The following FAM171A1 variants were observed in gnomAD, a reference collection of about 807,000 sequenced individuals.
FAM171A1 encodes the protein protein FAM171A1.
A neutral mutation model predicts 74.9 loss-of-function variants in FAM171A1; 23 were observed. That is an observed-to-expected ratio of 0.31 (90% CI 0.22 to 0.44). FAM171A1 has a LOEUF of 0.44. Among genes scored for constraint, FAM171A1 ranks in the 20% least tolerant of loss-of-function variants. The pLI is 1.00. For missense variants in FAM171A1, 1,162 were observed against 1,159.2 expected, an observed-to-expected ratio of 1.00 and a Z score of -0.03; for synonymous variants, 527 against 505.7, an observed-to-expected ratio of 1.04 and a Z score of -0.57.
intron 3 of FAM171A1, among the ~76,000 whole-genome samples, chr10:15,264,875 A>T (rs1834718281): frequency 6.6e-6 from 1 of 151,776 alleles, no homozygotes; most frequent in Non-Finnish European, 1.5e-5. Context: ...ATTTATCTAC[A>T]TGGTAGTAAG....
intron 3 of FAM171A1, among the ~76,000 whole-genome samples, chr10:15,270,549 T>A (rs151300552): frequency 2.6e-4 from 40 of 152,240 alleles, no homozygotes; most frequent in African/African-American, 8.7e-4. Flanking sequence ...AGCACAGAGT[T>A]TGAGATCTGA....
chr10:15,319,873 T>C (rs1309640004), intron 1 of FAM171A1, among the ~76,000 whole-genome samples: 1 of 152,228 alleles, frequency 6.6e-6, no homozygotes, highest in African/African-American at 2.4e-5. Flanking sequence ...CTCTCCTCCA[T>C]CTGTAACTCT....
intron 1 of FAM171A1, among the ~76,000 whole-genome samples, chr10:15,310,963 G>A (rs935962203): frequency 6.6e-6 from 1 of 152,162 alleles, no homozygotes; most frequent in African/African-American, 2.4e-5. Flanking sequence ...AGCAGGGCTG[G>A]GAAGACAGAG....
At chr10:15,241,423 G>C (rs1834363150) in intron 5 of FAM171A1, 1 of 152,114 alleles carries the variant, frequency 6.6e-6, no homozygotes, top group Middle Eastern at 3.4e-3. Context: ...TTGGTTTGTG[G>C]GGATATAAGT....
chr10:15,310,156 G>C (rs554904350), intron 1 of FAM171A1, among the ~76,000 whole-genome samples: 4 of 152,292 alleles, frequency 2.6e-5, no homozygotes, highest in Admixed American at 6.5e-5. Flanking sequence ...ATGCCTGTGT[G>C]GGGGCAGGTG....
At position 15,371,072 on chromosome 10, in the gene FAM171A1, G is replaced by GGCTCGGGCTCGCCGA; in HGVS notation, c.-21_-20insTCGGCGAGCCCGAGC. 9.5e-7 allele frequency: 1 copy of GGCTCGGGCTCGCCGA among 1,048,404 alleles called. No individual in the cohort carries two copies. The highest frequency in any genetic ancestry group is 1.2e-6 in the Non-Finnish European group (1 of 863,762). The allele number at this position is 1,048,404 out of a possible 1,614,324, so 64.9% of individuals were successfully genotyped here. On this transcript the variant is annotated 5_prime_UTR_variant, in exon 1 of 8. Coordinates refer to ENST00000378116, the MANE Select transcript of FAM171A1 (RefSeq NM_001010924.2). ...GCTCATCTCCGCCGCGGGGCCGGCG[G>GGCTCGGGCTCGCCGA]CGGCTCGGGCTCGCCGAGAGCGGGC...
intron 1 of FAM171A1, among the ~76,000 whole-genome samples, chr10:15,340,895 C>A (rs568365061): frequency 2.0e-4 from 30 of 152,170 alleles, no homozygotes; most frequent in African/African-American, 7.2e-4. Context: ...ATGGGCTACA[C>A]CAACAAGGGT....
chr10:15,349,975 T>G (rs752309399), intron 1 of FAM171A1, among the ~76,000 whole-genome samples: 16 of 151,870 alleles, frequency 1.1e-4, no homozygotes, highest in Non-Finnish European at 1.9e-4. Flanking sequence ...GAATATCTGG[T>G]TGAAGATGAA....
intron 1 of FAM171A1, among the ~76,000 whole-genome samples, chr10:15,323,404 G>C (rs761292262): frequency 5.9e-5 from 9 of 152,028 alleles, no homozygotes; most frequent in Non-Finnish European, 1.0e-4. Flanking sequence ...AGTGAGCAGA[G>C]ATCACGCCAT....
intron 5 of FAM171A1, among the ~76,000 whole-genome samples, chr10:15,240,053 G>A (rs1027978749): frequency 1.3e-5 from 2 of 152,172 alleles, no homozygotes; most frequent in African/African-American, 2.4e-5. Flanking sequence ...TATGCAAGTC[G>A]TGCTTCTTAA....
chr10:15,371,479 T>G (rs1326794227), upstream of FAM171A1, among the ~76,000 whole-genome samples: 9 of 149,604 alleles, frequency 6.0e-5, no homozygotes, highest in South Asian at 6.5e-4. Context: ...GAGCCAGACC[T>G]GCCTTTCAGG....
At chr10:15,231,077 A>C (rs1205884242) in intron 5 of FAM171A1, among the ~76,000 whole-genome samples, 2 of 152,270 alleles carry the variant, frequency 1.3e-5, no homozygotes, top group Non-Finnish European at 2.9e-5. Flanking sequence ...GAGCGTTCTC[A>C]TAACAGAGAA....
At chr10:15,244,286 C>T (rs1439312395) in intron 5 of FAM171A1, among the ~76,000 whole-genome samples, 2 of 152,114 alleles carry the variant, frequency 1.3e-5, no homozygotes, top group Admixed American at 6.6e-5. Context: ...ACCTGGGAGG[C>T]GGAGGTTGTA....
intron 3 of FAM171A1, among the ~76,000 whole-genome samples, chr10:15,263,545 C>T (rs147057882): frequency 5.8e-4 from 88 of 152,314 alleles, no homozygotes; most frequent in East Asian, 4.8e-3. Context: ...ATATAGTCTA[C>T]GTGGGGGAAT....
chr10:15,244,855 A>T (rs955260662), intron 5 of FAM171A1, among the ~76,000 whole-genome samples: 3 of 152,130 alleles, frequency 2.0e-5, no homozygotes, highest in African/African-American at 7.2e-5. Flanking sequence ...TGTGCTCAGG[A>T]TGAGGCCGGG....
intron 1 of FAM171A1, among the ~76,000 whole-genome samples, chr10:15,364,338 G>A (rs1281101440): frequency 6.6e-6 from 1 of 152,110 alleles, no homozygotes; most frequent in African/African-American, 2.4e-5. Flanking sequence ...TCCTCATCTG[G>A]AAGGAAAACA....
chr10:15,342,446 T>G (rs1835775425), intron 1 of FAM171A1, among the ~76,000 whole-genome samples: 1 of 152,090 alleles, frequency 6.6e-6, no homozygotes, highest in African/African-American at 2.4e-5. Flanking sequence ...AGCGCTCCTG[T>G]AGTCTCAGCT....
chr10:15,373,411 G>C (rs1294886100), upstream of FAM171A1, among the ~76,000 whole-genome samples: 2 of 152,130 alleles, frequency 1.3e-5, no homozygotes, highest in African/African-American at 4.8e-5. Flanking sequence ...ACCGAGGCTT[G>C]GTGCCATTAA....
At chr10:15,264,871 C>G (rs1834718184) in intron 3 of FAM171A1, among the ~76,000 whole-genome samples, 1 of 151,720 alleles carries the variant, frequency 6.6e-6, no homozygotes. Flanking sequence ...ATTTATTTAT[C>G]TACATGGTAG....
Sources: gnomAD v4.1 joint callset for allele counts (sites outside exome capture counted in the v4.1 genomes callset) on GRCh38, gnomAD v4.1.1 for gene constraint, MANE v1.5 for transcripts, NCBI Gene and HGNC (gene_info 2026-07-23, HGNC 2026-07-21) for gene names.